Variants in BCAS3 observed in about 807,000 individuals in gnomAD.
BCAS3 encodes BCAS3 microtubule associated cell migration factor, also known as BCAS4/BCAS3 fusion.
BCAS3 carries 53 observed loss-of-function variants against 116.1 expected under a neutral mutation model. The observed-to-expected ratio is 0.46, with a 90% CI of 0.37 to 0.57. The LOEUF (loss-of-function observed/expected upper bound fraction) is 0.57, where lower values mean the gene tolerates loss of function less well. Ranked by LOEUF, BCAS3 falls within the 20% of genes least tolerant of loss-of-function variation. BCAS3 has a pLI of 0.00. For synonymous variants in BCAS3, 391 were observed against 408.2 expected, an observed-to-expected ratio of 0.96 and a Z score of 0.51; for missense variants, 917 against 1,165.4, an observed-to-expected ratio of 0.79 and a Z score of 3.10.
chr17:60,693,600 T>C (rs1263262524), intron 4 of BCAS3, among the ~76,000 whole-genome samples: 6 of 151,170 alleles, frequency 4.0e-5, no homozygotes, highest in African/African-American at 1.2e-4. Context: ...CTTTTTGTAG[T>C]TGGGGTCTCA....
intron 14 of BCAS3, among the ~76,000 whole-genome samples, chr17:60,955,527 C>T (rs553749743): frequency 9.0e-4 from 136 of 151,670 alleles, no homozygotes; most frequent in South Asian, 1.0e-3. Flanking sequence ...TACAGGCAGA[C>T]GCCACCAAGC....
intron 5 of BCAS3, among the ~76,000 whole-genome samples, chr17:60,743,895 A>G (rs1490242734): frequency 6.6e-6 from 1 of 152,064 alleles, no homozygotes; most frequent in Non-Finnish European, 1.5e-5. Context: ...TTGGTTTGGT[A>G]TGTAATTTGC....
At chr17:61,237,087 G>T (rs2083119426) in intron 22 of BCAS3, among the ~76,000 whole-genome samples, 1 of 152,152 alleles carries the variant, frequency 6.6e-6, no homozygotes, top group Admixed American at 6.5e-5. Context: ...TGTATTGAAA[G>T]GTTACCATAC....
At chr17:60,735,873 A>G (rs761536722) in intron 5 of BCAS3, among the ~76,000 whole-genome samples, 16 of 145,008 alleles carry the variant, frequency 1.1e-4, no homozygotes, top group Non-Finnish European at 1.9e-4. Flanking sequence ...CTTTTTCTGC[A>G]TCTATTATTT....
intron 18 of BCAS3, among the ~76,000 whole-genome samples, chr17:61,040,124 AC>A (rs2067388511): frequency 6.6e-6 from 1 of 152,228 alleles, no homozygotes; most frequent in Admixed American, 6.5e-5. Flanking sequence ...ATGGAAGGAA[AC>A]AGACAAAAAT....
At chr17:60,721,161 G>T (rs2039198922) in intron 5 of BCAS3, among the ~76,000 whole-genome samples, 2 of 152,046 alleles carry the variant, frequency 1.3e-5, no homozygotes, top group Admixed American at 6.6e-5. Context: ...GTTTTTATGG[G>T]TTTCATTTGG....
rs2082432107 is a variant in BCAS3, at chr17:61,227,540, G to A, written c.2426-140787G>A. ...TGTTTGCCCATGAATGAAGTGAAAT[G>A]ACCAGGTAGACAGTAGAACCAGGCC... On this transcript the variant is annotated intron_variant, in intron 22 of 23. Transcript: ENST00000407086. The surrounding 1 kb of genome is among the most constrained non-coding windows in gnomAD (Gnocchi z 6.1). Among the ~76,000 whole-genome samples the A allele has an allele frequency of 6.6e-6, 1 of 152,216 alleles. No individual in the cohort carries two copies. Among genetic ancestry groups the A allele is most frequent in the South Asian group, 2.1e-4 (1 of 4,828 alleles).
At chr17:60,927,446 G>C (rs1298088987) in intron 13 of BCAS3, among the ~76,000 whole-genome samples, 1 of 151,934 alleles carries the variant, frequency 6.6e-6, no homozygotes, top group Non-Finnish European at 1.5e-5. Context: ...TAGTAGAGAC[G>C]GGGTTTCACC....
intron 22 of BCAS3, among the ~76,000 whole-genome samples, chr17:61,329,469 T>G (rs188460942): frequency 0.028 from 4,237 of 151,436 alleles, 193 homozygotes; most frequent in African/African-American, 0.097. Flanking sequence ...GCCCCCCAAG[T>G]AACTGGGACT....
intron 5 of BCAS3, 80 bp downstream of exon 5, chr17:60,709,405 T>C: frequency 1.1e-6 from 1 of 910,338 alleles, no homozygotes; most frequent in South Asian, 1.4e-5. Context: ...TACTTTTTTT[T>C]TTTGAGACAG....
chr17:60,774,849 G>T (rs1344718175), intron 6 of BCAS3, among the ~76,000 whole-genome samples: 1 of 152,180 alleles, frequency 6.6e-6, no homozygotes, highest in African/African-American at 2.4e-5. Context: ...TGTTTCCCTT[G>T]TCTCAAGGAT....
intron 5 of BCAS3, among the ~76,000 whole-genome samples, chr17:60,711,201 G>A (rs1461517830): frequency 6.6e-6 from 1 of 150,944 alleles, no homozygotes; most frequent in South Asian, 2.1e-4. Flanking sequence ...GAAGAATCGT[G>A]CTGGTATGTC....
chr17:60,859,686 A>G (rs1020936322), intron 7 of BCAS3, among the ~76,000 whole-genome samples: 8 of 151,566 alleles, frequency 5.3e-5, no homozygotes, highest in Admixed American at 5.3e-4. Flanking sequence ...CTCCTTCCTC[A>G]GCCTCCTAAG....
chr17:60,846,811 C>T (rs989810054), intron 7 of BCAS3, among the ~76,000 whole-genome samples: 7 of 152,114 alleles, frequency 4.6e-5, no homozygotes, highest in South Asian at 2.1e-4. Context: ...CTCTTTCTCT[C>T]TTTCTGTTGA....
intron 6 of BCAS3, among the ~76,000 whole-genome samples, chr17:60,765,818 C>A (rs2044034095): frequency 2.6e-5 from 4 of 152,202 alleles, no homozygotes; most frequent in Admixed American, 2.0e-4. Flanking sequence ...CTGTCGCTTT[C>A]AGATACACCA....
chr17:60,840,755 G>A (rs183362321), intron 7 of BCAS3, among the ~76,000 whole-genome samples: 1 of 152,314 alleles, frequency 6.6e-6, no homozygotes, highest in East Asian at 1.9e-4. Flanking sequence ...GAATTCTCAT[G>A]ATTACTTAAC....
intron 6 of BCAS3, among the ~76,000 whole-genome samples, chr17:60,747,952 C>T (rs2042143291): frequency 6.6e-6 from 1 of 151,972 alleles, no homozygotes; most frequent in African/African-American, 2.4e-5. Flanking sequence ...ACGCCTGACT[C>T]CTTAATACTT....
chr17:61,005,052 T>C (rs933504501), intron 15 of BCAS3, among the ~76,000 whole-genome samples: 1 of 152,074 alleles, frequency 6.6e-6, no homozygotes, highest in East Asian at 1.9e-4. Context: ...TCCAGCTGAT[T>C]AGGAAAGTGT....
At chr17:60,918,564 C>T (rs1194826593) in intron 12 of BCAS3, among the ~76,000 whole-genome samples, 1 of 151,964 alleles carries the variant, frequency 6.6e-6, no homozygotes, top group Non-Finnish European at 1.5e-5. Context: ...TTGTACCCAA[C>T]CTGTCTTTCT....
Sources: allele counts gnomAD v4.1 joint callset (sites outside exome capture counted in the v4.1 genomes callset), GRCh38; gene constraint gnomAD v4.1.1; non-coding constraint Gnocchi (gnomAD v3.1); transcripts MANE v1.5; gene names NCBI Gene and HGNC (gene_info 2026-07-23, HGNC 2026-07-21).